Variants in KCNIP4 observed in about 807,000 individuals in gnomAD.
KCNIP4 encodes potassium voltage-gated channel interacting protein 4.
A neutral mutation model predicts 34.0 loss-of-function variants in KCNIP4; 12 were observed. The ratio of observed to expected loss-of-function variants is 0.35; its 90% CI spans 0.23 to 0.57. The LOEUF is 0.57. Among genes scored for constraint, KCNIP4 ranks in the 20% least tolerant of loss-of-function variants. The pLI, the probability that KCNIP4 is intolerant of heterozygous loss-of-function variation, is 0.83. For synonymous variants in KCNIP4, 124 were observed against 102.2 expected (o/e 1.21, Z -1.29); for missense variants, 238 against 311.7 (o/e 0.76, Z 1.78).
rs572520118 is a variant in KCNIP4, at chr4:21,645,598, C to A, written c.61+302973G>T. 2.0e-5 allele frequency among the ~76,000 whole-genome samples: 3 copies of A among 152,174 alleles called. No homozygotes were observed. In the East Asian group the frequency reaches 5.8e-4, roughly 29 times the overall value. ...CAATTGTCACAGATTGGGATCAATA[C>A]CACTATTCTGTCTAGGCTCTTGTGT... On this transcript the variant is annotated intron_variant, in intron 1 of 8. Coordinates refer to ENST00000382152, the MANE Select transcript of KCNIP4 (RefSeq NM_025221.6).
chr4:21,585,461 C>G (rs1453727553), intron 1 of KCNIP4, among the ~76,000 whole-genome samples: 1 of 152,104 alleles, frequency 6.6e-6, no homozygotes, highest in South Asian at 2.1e-4. Flanking sequence ...ATAAATACTA[C>G]TTACACAACT....
intron 1 of KCNIP4, among the ~76,000 whole-genome samples, chr4:21,076,344 C>T (rs1008022144): frequency 6.6e-6 from 1 of 152,202 alleles, no homozygotes; most frequent in South Asian, 2.1e-4. Flanking sequence ...GCCCACTCTA[C>T]TCTCTCATCC....
chr4:20,996,368 A>G (rs1385806480), intron 1 of KCNIP4, among the ~76,000 whole-genome samples: 1 of 152,234 alleles, frequency 6.6e-6, no homozygotes, highest in Non-Finnish European at 1.5e-5. Context: ...TCGGGATAAC[A>G]TTCAAACTTC....
intron 1 of KCNIP4, among the ~76,000 whole-genome samples, chr4:21,249,299 A>G (rs1201216263): frequency 6.6e-6 from 1 of 152,140 alleles, no homozygotes; most frequent in East Asian, 1.9e-4. Flanking sequence ...AAAAAATCCT[A>G]TAGTTTGAAA....
chr4:21,859,018 C>A (rs910493251), intron 1 of KCNIP4, among the ~76,000 whole-genome samples: 6 of 152,046 alleles, frequency 3.9e-5, no homozygotes, highest in African/African-American at 9.7e-5. Flanking sequence ...ATTATCCAAC[C>A]CTCAAAGCAA....
chr4:21,325,508 T>C (rs565469646), intron 1 of KCNIP4, among the ~76,000 whole-genome samples: 23 of 151,988 alleles, frequency 1.5e-4, no homozygotes, highest in African/African-American at 5.3e-4. Flanking sequence ...CATTAGTCTG[T>C]CTAAAGTTCT....
intron 2 of KCNIP4, among the ~76,000 whole-genome samples, chr4:20,854,146 G>A (rs779607320): frequency 1.3e-5 from 2 of 152,092 alleles, no homozygotes; most frequent in South Asian, 2.1e-4. Context: ...CTGAGCATCC[G>A]CCCAAAGGAA....
In KCNIP4 at chr4:21,672,404, T is replaced by C. The variant is rs1749576798; in HGVS notation, c.61+276167A>G. On this transcript the variant is annotated intron_variant, in intron 1 of 8. Coordinates refer to ENST00000382152, the MANE Select transcript of KCNIP4 (RefSeq NM_025221.6). ...GAGACCATGGGAAAATTTCCTGACT[T>C]CTGTCAATTTTGTTTTCCTTTTCTG... Among the ~76,000 whole-genome samples, 3 of 152,344 alleles carry C rather than the reference T, an allele frequency of 2.0e-5. No homozygotes were observed. The South Asian group carries it at 6.2e-4, about 32-fold the overall frequency.
At chr4:20,914,389 A>G (rs1467268131) in intron 1 of KCNIP4, among the ~76,000 whole-genome samples, 1 of 152,152 alleles carries the variant, frequency 6.6e-6, no homozygotes, top group African/African-American at 2.4e-5. Context: ...GAGTGCTCTC[A>G]TAAAAGAGAC....
chr4:21,639,610 A>C (rs1746469020), intron 1 of KCNIP4, among the ~76,000 whole-genome samples: 1 of 152,224 alleles, frequency 6.6e-6, no homozygotes, highest in Admixed American at 6.5e-5. Context: ...TTGTTTCAAA[A>C]AGCAATATAA....
intron 1 of KCNIP4, among the ~76,000 whole-genome samples, chr4:21,559,443 GC>G (rs1285392350): frequency 6.6e-6 from 1 of 152,072 alleles, no homozygotes; most frequent in Non-Finnish European, 1.5e-5. Context: ...CACCATATAT[GC>G]ATTCACCATG....
At position 21,123,956 on chromosome 4, in the gene KCNIP4, G is replaced by A. The variant is rs530203313; in HGVS notation, c.62-241247C>T. On this transcript the variant is annotated intron_variant, in intron 1 of 8. Transcript: ENST00000382152. ...CAGAACTGTGAGAAAATAAATGTCC[G>A]TTGCTTAGGTCACCCAGTCTGTAGT... Among the ~76,000 whole-genome samples the A allele has an allele frequency of 1.2e-4, 18 of 151,630 alleles. No individual in the cohort carries two copies. The East Asian group carries it at 1.4e-3, about 12-fold the overall frequency.
At chr4:21,366,661 T>C (rs561101208) in intron 1 of KCNIP4, among the ~76,000 whole-genome samples, 53 of 152,168 alleles carry the variant, frequency 3.5e-4, no homozygotes, top group African/African-American at 1.3e-3. Flanking sequence ...AATTTAGCTG[T>C]AAGACTAGGG....
chr4:21,035,787 C>A (rs1192286679), intron 1 of KCNIP4, among the ~76,000 whole-genome samples: 1 of 152,156 alleles, frequency 6.6e-6, no homozygotes, highest in Non-Finnish European at 1.5e-5. Context: ...TAAGCTCTTC[C>A]TTCATCTAAT....
chr4:21,229,784 TATTTG>T (rs1174347497), intron 1 of KCNIP4, among the ~76,000 whole-genome samples: 1 of 152,148 alleles, frequency 6.6e-6, no homozygotes, highest in Non-Finnish European at 1.5e-5. Flanking sequence ...ATTGCTATTC[TATTTG>T]ATTTGATTCC....
chr4:21,101,535 A>T (rs1369747744), intron 1 of KCNIP4, among the ~76,000 whole-genome samples: 1 of 152,202 alleles, frequency 6.6e-6, no homozygotes, highest in Non-Finnish European at 1.5e-5. Context: ...TTTATATAAA[A>T]TATCCAAAGA....
chr4:20,847,568 AAG>A (rs1486379867), intron 3 of KCNIP4, among the ~76,000 whole-genome samples: 1 of 152,116 alleles, frequency 6.6e-6, no homozygotes, highest in Non-Finnish European at 1.5e-5. Context: ...AGAATCTGGC[AAG>A]AGACCTAAAA....
At chr4:21,433,160 G>A (rs1040853029) in intron 1 of KCNIP4, among the ~76,000 whole-genome samples, 5 of 152,230 alleles carry the variant, frequency 3.3e-5, no homozygotes, top group African/African-American at 9.6e-5. Context: ...AATGAGATTC[G>A]CTTAAACCAA....
intron 1 of KCNIP4, among the ~76,000 whole-genome samples, chr4:21,618,607 C>CTTTTCT (rs1214072984): frequency 0.036 from 4,520 of 124,776 alleles, 179 homozygotes; most frequent in African/African-American, 0.06. Context: ...TATATATTTT[C>CTTTTCT]TTTTCTTTTT....
Sources: allele counts gnomAD v4.1 joint callset (sites outside exome capture counted in the v4.1 genomes callset), GRCh38; gene constraint gnomAD v4.1.1; transcripts MANE v1.5; gene names NCBI Gene and HGNC (gene_info 2026-07-23, HGNC 2026-07-21).